Variants in VSTM2B observed in about 807,000 individuals in gnomAD.
VSTM2B encodes V-set and transmembrane domain containing 2B, also known as V-set and transmembrane domain-containing protein 2B.
In VSTM2B, 24 loss-of-function variants were observed where a neutral mutation model predicts 24.0. The ratio of observed to expected loss-of-function variants is 1.00; its 90% confidence interval spans 0.72 to 1.40. The LOEUF (loss-of-function observed/expected upper bound fraction) is 1.40. Among genes scored for constraint, VSTM2B ranks in the 40% most tolerant of loss-of-function variants. VSTM2B has a pLI of 0.00. For synonymous variants in VSTM2B, 226 were observed against 194.4 expected, an observed-to-expected ratio of 1.16 and a Z score of -1.35; for missense variants, 399 against 416.4, an observed-to-expected ratio of 0.96 and a Z score of 0.36.
Position 29,529,981 on chromosome 19 carries a change from C to A in VSTM2B, c.460C>A (p.Pro154Thr). The A allele has an allele frequency of 1.3e-6, 2 of 1,545,394 alleles. No homozygotes were observed. The highest frequency in any genetic ancestry group is 2.4e-5 in the South Asian group (2 of 83,966). ...GCTGCGCGTGCTCTCGCGCTTCGCG[C>A]CGCCCAACATGCAGGCCGCCGAGGC... ...AMLRVLSRFA[P>T]PNMQAAEAVS... The change falls in exon 4 of 5, where the codon CCG (proline) becomes ACG (threonine). Residue 154 changes from proline to threonine, a missense_variant. Pro to Thr is a conservative substitution (Grantham distance 38). Coordinates refer to ENST00000335523, the MANE Select transcript of VSTM2B (RefSeq NM_001146339.2).
chr19:29,529,061 G>A lies in VSTM2B; in HGVS notation c.297+599G>A, dbSNP rs1228728791. ...CCCACCTGGAGCGTAGAAAGGCCTG[G>A]AGATGACGAAGCCTCCTCGTGGGCT... On this transcript the variant is annotated intron_variant, in intron 3 of 4. Transcript: ENST00000335523. 3.0e-6 allele frequency: 3 copies of A among 985,482 alleles called. No individual in the cohort carries two copies. In the African/African-American group the frequency reaches 5.2e-5, roughly 17 times the overall value. 61.0% of individuals were successfully genotyped at this position (985,482 alleles called of 1,614,324 possible).
At chr19:29,553,438 G>C (rs1970331376) in intron 4 of VSTM2B, among the ~76,000 whole-genome samples, 1 of 152,158 alleles carries the variant, frequency 6.6e-6, no homozygotes, top group Non-Finnish European at 1.5e-5. Flanking sequence ...GTCCCTGCAA[G>C]AAAACCCCAT....
chr19:29,542,754 T>C (rs1398124012), intron 4 of VSTM2B, among the ~76,000 whole-genome samples: 1 of 152,004 alleles, frequency 6.6e-6, no homozygotes, highest in African/African-American at 2.4e-5. Flanking sequence ...GATGGGTAGA[T>C]TTGGGATACA....
At chr19:29,554,909 A>G (rs991919800) in intron 4 of VSTM2B, among the ~76,000 whole-genome samples, 3 of 152,232 alleles carry the variant, frequency 2.0e-5, no homozygotes, top group Admixed American at 2.0e-4. Context: ...ACCCAGATTC[A>G]TAAAACAAGT....
intron 4 of VSTM2B, among the ~76,000 whole-genome samples, chr19:29,558,755 T>C (rs1316039484): frequency 6.6e-6 from 1 of 152,134 alleles, no homozygotes; most frequent in Non-Finnish European, 1.5e-5. Flanking sequence ...AGCTAATGCA[T>C]ATGGGGCTTA....
intron 2 of VSTM2B, among the ~76,000 whole-genome samples, chr19:29,527,942 G>A (rs1362443730): frequency 1.3e-5 from 2 of 152,076 alleles, no homozygotes; most frequent in African/African-American, 2.4e-5. Flanking sequence ...TAGTGTGCTC[G>A]CGTGCACACA....
intron 4 of VSTM2B, among the ~76,000 whole-genome samples, chr19:29,540,522 T>A (rs1424293289): frequency 2.0e-5 from 3 of 152,226 alleles, no homozygotes; most frequent in Non-Finnish European, 2.9e-5. Flanking sequence ...CAGCAGTTCT[T>A]TCCCTGTCCT....
At chr19:29,530,798 C>G (rs1461892355) in intron 4 of VSTM2B, among the ~76,000 whole-genome samples, 1 of 152,130 alleles carries the variant, frequency 6.6e-6, no homozygotes, top group Non-Finnish European at 1.5e-5. Flanking sequence ...AGGGGCCTGG[C>G]TGTGTAACCT....
chr19:29,548,977 G>A (rs1010346053), intron 4 of VSTM2B, among the ~76,000 whole-genome samples: 11 of 152,228 alleles, frequency 7.2e-5, no homozygotes, highest in Non-Finnish European at 1.3e-4. Context: ...AGCAGGGAGG[G>A]ATGAGGGGAA....
chr19:29,529,889 G>C lies in VSTM2B; in HGVS notation c.368G>C (p.Gly123Ala). 1 of 1,550,404 alleles carries C rather than the reference G, an allele frequency of 6.4e-7. No individual in the cohort carries two copies. The highest frequency in any genetic ancestry group is 8.7e-7 in the Non-Finnish European group (1 of 1,146,892). Reference sequence around the variant, plus strand: ...TCTGCCGTGCGGCTGCAGGACGAGGGCGTGTACGAGTGCCGCGTGTCGGAC... The same window carrying C: ...TCTGCCGTGCGGCTGCAGGACGAGGCCGTGTACGAGTGCCGCGTGTCGGAC... ...RLSAVRLQDE[G>A]VYECRVSDYS... The change falls in exon 4 of 5, where the codon GGC (glycine) becomes GCC (alanine). Residue 123 changes from glycine (G) to alanine (A), a missense_variant. Transcript: ENST00000335523.
intron 4 of VSTM2B, among the ~76,000 whole-genome samples, chr19:29,535,131 G>C (rs149959628): frequency 6.6e-6 from 1 of 152,224 alleles, no homozygotes; most frequent in Non-Finnish European, 1.5e-5. Context: ...CAGAGCAGGC[G>C]CAGGAGGCTG....
At chr19:29,545,218 C>T (rs1268741081) in intron 4 of VSTM2B, among the ~76,000 whole-genome samples, 1 of 151,620 alleles carries the variant, frequency 6.6e-6, no homozygotes, top group Non-Finnish European at 1.5e-5. Context: ...GGCAGGGGTG[C>T]GGGGAGAGAG....
At chr19:29,552,444 C>A (rs541394575) in intron 4 of VSTM2B, among the ~76,000 whole-genome samples, 2 of 152,316 alleles carry the variant, frequency 1.3e-5, no homozygotes, top group East Asian at 3.9e-4. Flanking sequence ...CAGGGTGGTG[C>A]GGTGGCCCAC....
intron 4 of VSTM2B, among the ~76,000 whole-genome samples, chr19:29,530,517 G>T (rs549634677): frequency 9.2e-5 from 14 of 152,360 alleles, no homozygotes; most frequent in African/African-American, 3.1e-4. Context: ...ATTTATGAAT[G>T]GAGGAGGGGG....
At chr19:29,529,016 G>A in intron 3 of VSTM2B, 2 of 985,488 alleles carry the variant, frequency 2.0e-6, no homozygotes, top group East Asian at 1.1e-4. Flanking sequence ...CTAACTCTGG[G>A]AGGAGATGCG....
intron 4 of VSTM2B, among the ~76,000 whole-genome samples, chr19:29,537,482 C>A (rs911549325): frequency 6.6e-6 from 1 of 152,134 alleles, no homozygotes; most frequent in African/African-American, 2.4e-5. Context: ...AGACCTTGTG[C>A]AAAGCCTGTC....
intron 1 of VSTM2B, 182 bp from the exon 2 acceptor site, chr19:29,527,029 C>G (rs1662353687): frequency 1.7e-6 from 1 of 574,750 alleles, no homozygotes; most frequent in Non-Finnish European, 3.0e-6. Context: ...GATGGCCGGT[C>G]CCTGCCTCGG....
intron 4 of VSTM2B, among the ~76,000 whole-genome samples, chr19:29,549,661 C>T (rs1277475844): frequency 6.6e-6 from 1 of 152,184 alleles, no homozygotes; most frequent in South Asian, 2.1e-4. Flanking sequence ...GGCCCTGACA[C>T]GGGCCTTGGC....
At chr19:29,542,388 T>A (rs1215617309) in intron 4 of VSTM2B, among the ~76,000 whole-genome samples, 2 of 150,336 alleles carry the variant, frequency 1.3e-5, no homozygotes, top group African/African-American at 4.9e-5. Flanking sequence ...AATGTGTGAA[T>A]GGGTGGATGG....
Sources: allele counts gnomAD v4.1 joint callset (sites outside exome capture counted in the v4.1 genomes callset), GRCh38; gene constraint gnomAD v4.1.1; transcripts MANE v1.5; gene names NCBI Gene and HGNC (gene_info 2026-07-23, HGNC 2026-07-21).